WDR7: variants seen among roughly 807,000 people sequenced by gnomAD.
WDR7 encodes WD repeat-containing protein 7.
A neutral mutation model predicts 169.4 loss-of-function variants in WDR7; 46 were observed. The ratio of observed to expected loss-of-function variants is 0.27; its 90% CI spans 0.21 to 0.35. The LOEUF (loss-of-function observed/expected upper bound fraction) is 0.35. Ranked by LOEUF, WDR7 falls within the 10% of genes least tolerant of loss-of-function variation. The probability of loss-of-function intolerance (pLI) is 1.00; values close to 1 mark genes in which losing one functional copy is unlikely to be tolerated. For missense variants in WDR7, 1,534 were observed against 1,859.3 expected (o/e 0.83, Z 3.22); for synonymous variants, 612 against 666.8 (o/e 0.92, Z 1.27).
At chr18:56,720,282 A>G (rs1348771360) in intron 13 of WDR7, among the ~76,000 whole-genome samples, 13 of 151,446 alleles carry the variant, frequency 8.6e-5, no homozygotes, top group African/African-American at 2.9e-4. Context: ...CTCTGTCTCT[A>G]CAAAAAAAAA....
At chr18:56,750,641 T>C (rs1021789627) in intron 14 of WDR7, among the ~76,000 whole-genome samples, 2 of 152,248 alleles carry the variant, frequency 1.3e-5, no homozygotes, top group African/African-American at 4.8e-5. Flanking sequence ...GAGAATTTTC[T>C]GGATCCGATA....
chr18:56,691,216 G>T lies in WDR7; in HGVS notation c.718G>T (p.Val240Leu), dbSNP rs145947088. The T allele has an allele frequency of 6.2e-6, 10 of 1,603,144 alleles. No homozygotes were observed. In the African/African-American group the frequency reaches 9.5e-5, roughly 15 times the overall value. Residue 240 changes from valine (V) to leucine (L), a missense_variant and splice_region_variant, in exon 8 of 28, where the codon GTG becomes TTG. Transcript: ENST00000254442. ...TTGTGAATTTCTTTCTTCCTTGCAG[G>T]TGTTCGATGCCGGAGACTATTCCTT... ...LLVVCSKYWR[V>L]FDAGDYSLLC...
At chr18:57,005,260 A>AT (rs930643576) in intron 26 of WDR7, among the ~76,000 whole-genome samples, 1 of 151,976 alleles carries the variant, frequency 6.6e-6, no homozygotes, top group East Asian at 1.9e-4. Context: ...ATGTTAAATA[A>AT]TTTTTTTTGT....
intron 22 of WDR7, among the ~76,000 whole-genome samples, chr18:56,932,157 G>A (rs1342180188): frequency 6.6e-6 from 1 of 152,098 alleles, no homozygotes; most frequent in Non-Finnish European, 1.5e-5. Context: ...TTGCACTGTG[G>A]ATGCCATACC....
chr18:56,721,222 A>G (rs893795557), intron 13 of WDR7, among the ~76,000 whole-genome samples: 1 of 152,066 alleles, frequency 6.6e-6, no homozygotes, highest in African/African-American at 2.4e-5. Context: ...GCAATTTTCT[A>G]GTTATTGTTT....
intron 19 of WDR7, among the ~76,000 whole-genome samples, chr18:56,815,298 A>T (rs1227757278): frequency 6.6e-6 from 1 of 152,160 alleles, no homozygotes; most frequent in African/African-American, 2.4e-5. Flanking sequence ...ATATCGATGC[A>T]CCCTAGTATC....
At chr18:57,015,535 G>A (rs546503683) in intron 26 of WDR7, among the ~76,000 whole-genome samples, 1 of 152,206 alleles carries the variant, frequency 6.6e-6, no homozygotes, top group South Asian at 2.1e-4. Flanking sequence ...GCCTAACAGA[G>A]CTGTCAGTCA....
intron 27 of WDR7, among the ~76,000 whole-genome samples, chr18:57,026,367 A>T (rs2048366482): frequency 6.6e-6 from 1 of 152,256 alleles, no homozygotes; most frequent in African/African-American, 2.4e-5. Context: ...TATGATAGCA[A>T]AACAGTGAGG....
chr18:56,762,224 T>A (rs1490125053), intron 16 of WDR7, among the ~76,000 whole-genome samples: 1 of 152,028 alleles, frequency 6.6e-6, no homozygotes, highest in Non-Finnish European at 1.5e-5. Flanking sequence ...TTTGATTTAA[T>A]ATTTTTTATT....
Position 57,028,197 on chromosome 18 carries a change from A to G in WDR7, c.*990A>G, listed in dbSNP as rs2048395609. On this transcript the variant is annotated 3_prime_UTR_variant, in exon 28 of 28. Coordinates refer to ENST00000254442, the MANE Select transcript of WDR7 (RefSeq NM_015285.3). ...TAATTCAGCCTTCAAACTACTACTG[A>G]TCAACTAAAGGAAAGCTAATAAGGT... The G allele has an allele frequency of 6.6e-6, 1 of 152,230 alleles. No homozygotes were observed. The highest frequency in any genetic ancestry group is 1.5e-5 in the Non-Finnish European group (1 of 68,036). The allele number at this position is 152,230 out of a possible 1,614,324, so 9.4% of individuals were successfully genotyped here.
intron 14 of WDR7, among the ~76,000 whole-genome samples, chr18:56,744,066 C>G (rs1402141645): frequency 6.6e-6 from 1 of 151,758 alleles, no homozygotes; most frequent in African/African-American, 2.4e-5. Context: ...GGTGAAACCC[C>G]GTCTCTACTA....
At chr18:56,722,553 G>A (rs1224354862) in intron 13 of WDR7, among the ~76,000 whole-genome samples, 1 of 152,118 alleles carries the variant, frequency 6.6e-6, no homozygotes, top group Non-Finnish European at 1.5e-5. Context: ...GAGAATGAAT[G>A]GGTTAAGAAA....
intron 26 of WDR7, among the ~76,000 whole-genome samples, chr18:56,991,963 T>G (rs151319269): frequency 9.6e-4 from 146 of 152,372 alleles, no homozygotes; most frequent in African/African-American, 3.0e-3. Flanking sequence ...ATTTTTAATA[T>G]TCTCCATTTC....
At chr18:56,943,046 G>A (rs534420216) in intron 25 of WDR7, among the ~76,000 whole-genome samples, 2 of 152,322 alleles carry the variant, frequency 1.3e-5, no homozygotes, top group South Asian at 2.1e-4. Context: ...AGAACACTAA[G>A]CTTGCATGGG....
intron 1 of WDR7, among the ~76,000 whole-genome samples, chr18:56,671,518 A>C (rs1367135809): frequency 1.3e-5 from 2 of 152,018 alleles, no homozygotes; most frequent in Non-Finnish European, 2.9e-5. Context: ...TGATCCACCC[A>C]CCTTGGCCTC....
At chr18:56,828,192 A>C (rs2045243779) in intron 20 of WDR7, among the ~76,000 whole-genome samples, 2 of 152,226 alleles carry the variant, frequency 1.3e-5, no homozygotes, top group African/African-American at 4.8e-5. Context: ...TACCACTTCA[A>C]ATTTTCACAA....
intron 26 of WDR7, among the ~76,000 whole-genome samples, chr18:56,994,627 G>A (rs2047870919): frequency 6.6e-6 from 1 of 152,062 alleles, no homozygotes; most frequent in Non-Finnish European, 1.5e-5. Flanking sequence ...GTTTACTTTT[G>A]CAAGGGCATA....
intron 14 of WDR7, among the ~76,000 whole-genome samples, chr18:56,750,949 T>C (rs1476242635): frequency 6.6e-6 from 1 of 152,222 alleles, no homozygotes; most frequent in East Asian, 1.9e-4. Flanking sequence ...ATGCAGGACT[T>C]GGTGAAAACA....
chr18:56,682,383 G>C (rs2025366106), intron 4 of WDR7, among the ~76,000 whole-genome samples: 1 of 152,124 alleles, frequency 6.6e-6, no homozygotes, highest in Non-Finnish European at 1.5e-5. Flanking sequence ...TGTTTTAGAT[G>C]CTAGAGGGGG....
Sources: allele counts gnomAD v4.1 joint callset (sites outside exome capture counted in the v4.1 genomes callset), GRCh38; gene constraint gnomAD v4.1.1; transcripts MANE v1.5; gene names NCBI Gene and HGNC (gene_info 2026-07-23, HGNC 2026-07-21).